SHANK2: variants seen among roughly 807,000 people sequenced by gnomAD.
SHANK2 encodes SH3 and multiple ankyrin repeat domains 2.
A neutral mutation model predicts 133.7 loss-of-function variants in SHANK2; 43 were observed. The observed-to-expected ratio is 0.32, with a 90% CI of 0.25 to 0.41. The LOEUF is 0.41. Among genes scored for constraint, SHANK2 ranks in the 10% least tolerant of loss-of-function variants. SHANK2 has a pLI of 1.00. For synonymous variants in SHANK2, 1,017 were observed against 952.8 expected, an observed-to-expected ratio of 1.07 and a Z score of -1.24; for missense variants, 1,994 against 2,235.8, an observed-to-expected ratio of 0.89 and a Z score of 2.18.
intron 8 of SHANK2, among the ~76,000 whole-genome samples, chr11:71,079,746 T>G: frequency 2.2e-5 from 3 of 138,248 alleles, no homozygotes; most frequent in Admixed American, 7.5e-5. Flanking sequence ...GGAGACAGAG[T>G]GAGACTCCGA....
intron 14 of SHANK2, among the ~76,000 whole-genome samples, chr11:70,754,226 G>A (rs1555038144): frequency 6.6e-6 from 1 of 152,182 alleles, no homozygotes; most frequent in Non-Finnish European, 1.5e-5. Flanking sequence ...ATTCCTCCCA[G>A]AAAAGAGAAG....
At position 71,102,259 on chromosome 11, in the gene SHANK2, A is replaced by AT. The variant is rs200741439; in HGVS notation, c.593-7572dup. Among the ~76,000 whole-genome samples, 184 of 146,558 alleles carry AT rather than the reference A, an allele frequency of 1.3e-3. 1 individual carries two copies. Among genetic ancestry groups the AT allele is most frequent in the African/African-American group, 3.0e-3 (123 of 40,352 alleles). ...TGAGACTCTGCTGGAGGAAGTCTTT[A>AT]TTTTTTTTTTTTACACTACTTTTAT... On this transcript the variant is annotated intron_variant, in intron 6 of 25. Coordinates refer to ENST00000601538, the MANE Select transcript of SHANK2 (RefSeq NM_012309.5).
At chr11:70,864,495 G>A (rs1949320154) in intron 11 of SHANK2, 2 of 152,494 alleles carry the variant, frequency 1.3e-5, no homozygotes, top group African/African-American at 4.8e-5. Flanking sequence ...GAGGCTCGAA[G>A]ATGAGAAGTG....
rs2059038666 is a variant in SHANK2 at position 70,500,747 on chromosome 11, G to A, written c.2288-157C>T. The A allele has an allele frequency of 3.1e-6, 3 of 973,490 alleles. No individual in the cohort carries two copies. Among genetic ancestry groups the A allele is most frequent in the Admixed American group, 4.0e-5 (2 of 50,234 alleles). 60.3% of individuals were successfully genotyped at this position (973,490 alleles called of 1,614,324 possible). A position where few individuals can be genotyped will look rare whatever the true frequency, so the allele number is the denominator to read the frequency against. On this transcript the variant is annotated intron_variant, in intron 20 of 25. Transcript: ENST00000601538. The surrounding 1 kb of genome is among the most constrained non-coding windows in gnomAD (Gnocchi z 4.5). ...GTCTGGAACGCTGCGAACGCAGGCT[G>A]CGCTATCCATGGAGTGGCTTTCCCC... is the stretch of plus-strand genomic sequence containing the variant.
rs782069466 is a variant in SHANK2, at chr11:70,500,643, G to A, written c.2288-53C>T. The A allele has an allele frequency of 7.6e-6, 12 of 1,579,746 alleles. No individual in the cohort carries two copies. Among genetic ancestry groups the A allele is most frequent in the Middle Eastern group, 3.3e-4 (2 of 6,014 alleles). On this transcript the variant is annotated intron_variant, in intron 20 of 25. Coordinates refer to ENST00000601538, the MANE Select transcript of SHANK2 (RefSeq NM_012309.5). The surrounding 1 kb of genome is among the most constrained non-coding windows in gnomAD (Gnocchi z 4.5). Reference sequence around the variant, plus strand: ...AGCCACCAGGATGCAGCGCCCGCCCGCAGCCTACACTCGGGCCTTGTCAGC... The same window carrying A: ...AGCCACCAGGATGCAGCGCCCGCCCACAGCCTACACTCGGGCCTTGTCAGC...
rs564515586 is a variant in SHANK2 at position 70,830,124 on chromosome 11, G to A, written c.1175-9442C>T. Among the ~76,000 whole-genome samples, 68 of 152,280 alleles carry A rather than the reference G, an allele frequency of 4.5e-4. 2 individuals carry two copies. The South Asian group carries it at 0.013, about 29-fold the overall frequency. On this transcript the variant is annotated intron_variant, in intron 11 of 25. Transcript: ENST00000601538. The surrounding 1 kb of genome is among the most constrained non-coding windows in gnomAD (Gnocchi z 4.4). ...GCGCTGAAGGCACAGACTCTGCCCC[G>A]ACAAACGCAAACCTTTGTGCAGCCT...
intron 6 of SHANK2, among the ~76,000 whole-genome samples, chr11:71,105,121 T>C (rs1353972927): frequency 1.3e-5 from 2 of 152,112 alleles, no homozygotes; most frequent in Admixed American, 6.5e-5. Context: ...CTGGGGTACA[T>C]TGGAAAATGG....
intron 11 of SHANK2, among the ~76,000 whole-genome samples, chr11:70,863,104 A>G (rs1949288131): frequency 6.6e-6 from 1 of 152,174 alleles, no homozygotes; most frequent in African/African-American, 2.4e-5. Flanking sequence ...ATACCTGGGT[A>G]GGTCTAGAGA....
chr11:70,921,910 C>T (rs564954922), intron 10 of SHANK2, among the ~76,000 whole-genome samples: 1 of 152,322 alleles, frequency 6.6e-6, no homozygotes, highest in Admixed American at 6.5e-5. Context: ...TTCCCACAGA[C>T]AGTACCATGT....
At chr11:71,056,931 A>C (rs1950929139) in intron 9 of SHANK2, among the ~76,000 whole-genome samples, 1 of 152,226 alleles carries the variant, frequency 6.6e-6, no homozygotes, top group Non-Finnish European at 1.5e-5. Context: ...GAGTGGGGAT[A>C]TATTCTAGAA....
At chr11:71,209,851 C>T (rs1383255276) in intron 2 of SHANK2, among the ~76,000 whole-genome samples, 1 of 152,076 alleles carries the variant, frequency 6.6e-6, no homozygotes, top group Non-Finnish European at 1.5e-5. Flanking sequence ...CAGGGGCCTG[C>T]CTGGCACCCC....
intron 17 of SHANK2, among the ~76,000 whole-genome samples, chr11:70,513,825 G>A (rs2059234380): frequency 6.6e-6 from 1 of 151,942 alleles, no homozygotes; most frequent in African/African-American, 2.4e-5. Flanking sequence ...CCAAAGAAGA[G>A]AGAAAAAAAG....
chr11:70,832,739 G>A (rs1161082986), intron 11 of SHANK2, among the ~76,000 whole-genome samples: 1 of 152,138 alleles, frequency 6.6e-6, no homozygotes, highest in Non-Finnish European at 1.5e-5. Context: ...TCTGCCCAGG[G>A]CCTTGCATGT....
At chr11:70,909,841 C>G (rs1043110013) in intron 10 of SHANK2, among the ~76,000 whole-genome samples, 1 of 152,220 alleles carries the variant, frequency 6.6e-6, no homozygotes, top group Non-Finnish European at 1.5e-5. Context: ...GAAATCATGG[C>G]TGACAACGGG....
intron 14 of SHANK2, among the ~76,000 whole-genome samples, chr11:70,761,372 T>A (rs185239162): frequency 3.3e-5 from 5 of 152,234 alleles, no homozygotes; most frequent in Admixed American, 3.3e-4. Context: ...ACTTTCACTC[T>A]CCAGCACTGT....
intron 16 of SHANK2, among the ~76,000 whole-genome samples, chr11:70,660,619 G>A (rs1222388273): frequency 6.6e-6 from 1 of 151,770 alleles, no homozygotes; most frequent in Non-Finnish European, 1.5e-5. Flanking sequence ...GCAGGAGATG[G>A]ACTTTTCTAG....
intron 8 of SHANK2, among the ~76,000 whole-genome samples, chr11:71,091,031 T>C (rs1031608396): frequency 6.6e-6 from 1 of 151,898 alleles, no homozygotes; most frequent in Non-Finnish European, 1.5e-5. Context: ...AACTAGAATA[T>C]TGTTTGATCA....
chr11:70,572,083 A>T (rs1375902685), intron 17 of SHANK2, among the ~76,000 whole-genome samples: 1 of 152,196 alleles, frequency 6.6e-6, no homozygotes, highest in Non-Finnish European at 1.5e-5. Context: ...TCTCCACACC[A>T]GGGACAGGCC....
At chr11:70,716,308 A>C (rs1555027271) in intron 14 of SHANK2, among the ~76,000 whole-genome samples, 2 of 152,090 alleles carry the variant, frequency 1.3e-5, no homozygotes, top group African/African-American at 4.8e-5. Context: ...GGCCATGTCC[A>C]AGGGCACGCA....
Sources: gnomAD v4.1 joint callset for allele counts (sites outside exome capture counted in the v4.1 genomes callset) on GRCh38, gnomAD v4.1.1 for gene constraint, Gnocchi (gnomAD v3.1) non-coding constraint, MANE v1.5 for transcripts, NCBI Gene and HGNC (gene_info 2026-07-23, HGNC 2026-07-21) for gene names.